FUT8: variants seen among roughly 807,000 people sequenced by gnomAD.
FUT8 encodes the protein alpha-(1,6)-fucosyltransferase.
Under a neutral mutation model 71.3 loss-of-function variants are expected in FUT8, and 29 were observed. The ratio of observed to expected loss-of-function variants is 0.41; its 90% CI spans 0.30 to 0.55. The LOEUF is 0.55. FUT8 is among the 20% of genes least tolerant of loss of function. The pLI, the probability that FUT8 is intolerant of heterozygous loss-of-function variation, is 0.34. For missense variants in FUT8, 544 were observed against 702.1 expected (o/e 0.77, Z 2.55); for synonymous variants, 254 against 239.3 (o/e 1.06, Z -0.57).
chr14:65,566,270 T>C (rs973145585), intron 3 of FUT8, among the ~76,000 whole-genome samples: 41 of 151,970 alleles, frequency 2.7e-4, no homozygotes, highest in Admixed American at 2.0e-3. Flanking sequence ...AGACTGAGCA[T>C]CAGAAGTAAC....
chr14:65,406,977 C>A (rs914755220), upstream of FUT8, among the ~76,000 whole-genome samples: 21 of 152,174 alleles, frequency 1.4e-4, no homozygotes, highest in African/African-American at 5.1e-4. Context: ...CTGGATCCTA[C>A]AATGTGGTGT....
intron 1 of FUT8, among the ~76,000 whole-genome samples, chr14:65,435,933 T>C (rs2065550415): frequency 6.6e-6 from 1 of 150,792 alleles, no homozygotes; most frequent in Non-Finnish European, 1.5e-5. Flanking sequence ...TTTTTTTTTT[T>C]TTTTTTTCTT....
At chr14:65,379,613 C>T in the FUT8 span, among the ~76,000 whole-genome samples, 1 of 152,072 alleles carries the variant, frequency 6.6e-6, no homozygotes, top group Non-Finnish European at 1.5e-5. Flanking sequence ...TGATGCAAAC[C>T]AGGATCCAGT....
At position 65,627,320 on chromosome 14, in the gene FUT8, G is replaced by C. The variant is rs1306201917; in HGVS notation, c.483-2172G>C. On this transcript the variant is annotated intron_variant, in intron 5 of 10. Transcript: ENST00000673929. The surrounding 1 kb of genome is among the most constrained non-coding windows in gnomAD (Gnocchi z 4.0). Reference sequence around the variant, plus strand: ...CAGCAGCTCGATTCTTGCTTCCTTGGAGGAAATAATTTGGCCAGGGGAACA... The same window carrying C: ...CAGCAGCTCGATTCTTGCTTCCTTGCAGGAAATAATTTGGCCAGGGGAACA... Among the ~76,000 whole-genome samples the C allele has an allele frequency of 6.6e-6, 1 of 152,178 alleles. No individual in the cohort carries two copies. The highest frequency in any genetic ancestry group is 1.9e-4 in the East Asian group (1 of 5,198).
chr14:65,625,725 G>A (rs577811489), intron 5 of FUT8, among the ~76,000 whole-genome samples: 125 of 152,318 alleles, frequency 8.2e-4, no homozygotes, highest in African/African-American at 2.9e-3. Context: ...ATCGTTCAAA[G>A]TTGTTCCACT....
intron 2 of FUT8, among the ~76,000 whole-genome samples, chr14:65,464,256 T>C (rs2139597053): frequency 8.1e-6 from 1 of 123,610 alleles, no homozygotes; most frequent in Admixed American, 9.4e-5. Flanking sequence ...GTCAGTACTT[T>C]GGGTTTTTTT....
the FUT8 span, among the ~76,000 whole-genome samples, chr14:65,404,509 C>A: frequency 6.7e-6 from 1 of 149,528 alleles, no homozygotes; most frequent in Non-Finnish European, 1.5e-5. Context: ...CAGAGTCTTG[C>A]TCTGTCGCCA....
the FUT8 span, among the ~76,000 whole-genome samples, chr14:65,357,524 CCCCT>C: frequency 6.6e-6 from 1 of 152,118 alleles, no homozygotes; most frequent in Admixed American, 6.6e-5. Flanking sequence ...GTTGAGATAC[CCCCT>C]TAATGGCCAT....
chr14:65,628,587 T>C (rs1890017387), intron 5 of FUT8, among the ~76,000 whole-genome samples: 1 of 152,250 alleles, frequency 6.6e-6, no homozygotes, highest in Non-Finnish European at 1.5e-5. Context: ...AAACAGAGAC[T>C]CTTGCTTTTT....
chr14:65,473,269 T>G (rs911154571), intron 2 of FUT8, among the ~76,000 whole-genome samples: 3 of 152,196 alleles, frequency 2.0e-5, no homozygotes, highest in Admixed American at 2.0e-4. Flanking sequence ...CTTTGTACAT[T>G]TAGCTTTTCC....
chr14:65,611,217 GCGCGCGCACACACACA>G (rs1888924718), intron 3 of FUT8, among the ~76,000 whole-genome samples: 1 of 3,178 alleles, frequency 3.1e-4, no homozygotes, highest in African/African-American at 4.9e-4. Flanking sequence ...GCGCGCGCGC[GCGCGCGCACACACACA>G]CACACACACA....
chr14:65,487,295 G>A (rs2066422328), intron 2 of FUT8, among the ~76,000 whole-genome samples: 1 of 152,146 alleles, frequency 6.6e-6, no homozygotes, highest in Non-Finnish European at 1.5e-5. Context: ...TGGGCATGGT[G>A]GCTCACGCCT....
At chr14:65,707,024 C>A (rs1894589779) in intron 7 of FUT8, among the ~76,000 whole-genome samples, 1 of 152,092 alleles carries the variant, frequency 6.6e-6, no homozygotes, top group African/African-American at 2.4e-5. Flanking sequence ...GCCTTAAAGT[C>A]TTGATGGAAT....
At position 65,692,458 on chromosome 14, in the gene FUT8, G is replaced by A. The variant is rs1232563792; in HGVS notation, c.835+22978G>A. Among the ~76,000 whole-genome samples, 50 of 117,466 alleles carry A rather than the reference G, an allele frequency of 4.3e-4. 1 individual carries two copies. Among genetic ancestry groups the A allele is most frequent in the African/African-American group, 1.5e-3 (44 of 29,092 alleles). 77.1% of individuals were successfully genotyped at this position (117,466 alleles called of 152,430 possible). ...GGGGCGGCTGGCCGGGCGGGGGGCT[G>A]ACCCCCCCACCTCCCTCCCAGACGG... On this transcript the variant is annotated intron_variant, in intron 7 of 10. Coordinates refer to ENST00000673929, the MANE Select transcript of FUT8 (RefSeq NM_001371533.1).
At chr14:65,461,621 C>G (rs1385058692) in intron 2 of FUT8, among the ~76,000 whole-genome samples, 1 of 152,180 alleles carries the variant, frequency 6.6e-6, no homozygotes, top group African/African-American at 2.4e-5. Flanking sequence ...TACCTTAGTT[C>G]TGCTCTGTTA....
chr14:65,642,561 T>A (rs1404430732), intron 6 of FUT8, among the ~76,000 whole-genome samples: 1 of 141,880 alleles, frequency 7.0e-6, no homozygotes, highest in Non-Finnish European at 1.5e-5. Flanking sequence ...CAAGATGGTG[T>A]CACTGCACTC....
chr14:65,591,819 C>T (rs1278853375), intron 3 of FUT8, among the ~76,000 whole-genome samples: 1 of 146,562 alleles, frequency 6.8e-6, no homozygotes, highest in African/African-American at 2.5e-5. Flanking sequence ...GAAATGTGCA[C>T]TATTGAAGCA....
chr14:65,706,973 C>T (rs577635031), intron 7 of FUT8, among the ~76,000 whole-genome samples: 1 of 152,038 alleles, frequency 6.6e-6, no homozygotes, highest in Admixed American at 6.6e-5. Flanking sequence ...ACATATGAAA[C>T]GTTTTCTTGC....
At chr14:65,597,978 G>T (rs934976643) in intron 3 of FUT8, among the ~76,000 whole-genome samples, 5 of 152,242 alleles carry the variant, frequency 3.3e-5, no homozygotes, top group Admixed American at 3.3e-4. Flanking sequence ...AAACCAGTCT[G>T]GGCTACATAG....
Sources: allele counts gnomAD v4.1 joint callset (sites outside exome capture counted in the v4.1 genomes callset), GRCh38; gene constraint gnomAD v4.1.1; non-coding constraint Gnocchi (gnomAD v3.1); transcripts MANE v1.5; gene names NCBI Gene and HGNC (gene_info 2026-07-23, HGNC 2026-07-21).